Variants in IL34 observed in about 807,000 individuals in gnomAD.
The protein encoded by IL34 is interleukin 34, also known as interleukin-34.
In IL34, 17 loss-of-function variants were observed where a neutral mutation model predicts 25.3. The ratio of observed to expected loss-of-function variants is 0.67; its 90% CI spans 0.46 to 1.01. IL34 has a LOEUF of 1.01. Ranked by LOEUF, IL34 falls within the 50% of genes least tolerant of loss-of-function variation. IL34 has a pLI of 0.00. For missense variants in IL34, 368 were observed against 312.9 expected (o/e 1.18, Z -1.33); for synonymous variants, 174 against 140.9 (o/e 1.23, Z -1.66).
At position 70,640,469 on chromosome 16, in the gene IL34, C is replaced by A. The variant is rs77534164; in HGVS notation, c.-400-6079C>A. On this transcript the variant is annotated intron_variant, in intron 1 of 6. Transcript: ENST00000429149. ...TGAAACCCTGTCTCTACTAAAAATA[C>A]AAAAGTTAGCCGGGTGTGGTGGTGC... 5.3e-5 allele frequency among the ~76,000 whole-genome samples: 8 copies of A among 151,604 alleles called. No individual in the cohort carries two copies. The East Asian group carries it at 1.2e-3, about 22-fold the overall frequency.
At chr16:70,595,312 C>G (rs1329422706) in intron 1 of IL34, among the ~76,000 whole-genome samples, 1 of 150,728 alleles carries the variant, frequency 6.6e-6, no homozygotes, top group Non-Finnish European at 1.5e-5. Context: ...TCTCCTTCTT[C>G]TTTCTCCTCT....
chr16:70,652,389 T>G (rs924921665), intron 1 of IL34, among the ~76,000 whole-genome samples: 1 of 152,002 alleles, frequency 6.6e-6, no homozygotes, highest in Admixed American at 6.6e-5. Context: ...ACCCAGGAGT[T>G]TGAGATTGCA....
intron 1 of IL34, among the ~76,000 whole-genome samples, chr16:70,632,285 G>C (rs934365368): frequency 1.3e-5 from 2 of 152,170 alleles, no homozygotes; most frequent in African/African-American, 4.8e-5. Context: ...GGCCATTTCT[G>C]ACCTTCGCTG....
chr16:70,583,188 C>G (rs1409960368), intron 1 of IL34, among the ~76,000 whole-genome samples: 3 of 152,160 alleles, frequency 2.0e-5, no homozygotes, highest in Non-Finnish European at 1.5e-5. Flanking sequence ...TTTCAGCTCA[C>G]TGCAAACTCT....
At position 70,651,977 on chromosome 16, in the gene IL34, T is replaced by A. The variant is rs574079826; in HGVS notation, c.29-2561T>A. Among the ~76,000 whole-genome samples the A allele has an allele frequency of 6.0e-3, 907 of 150,770 alleles. 3 individuals are homozygous for A. Among genetic ancestry groups the A allele is most frequent in the Middle Eastern group, 0.01 (3 of 288 alleles). On this transcript the variant is annotated intron_variant, in intron 1 of 5. Coordinates refer to ENST00000288098, the MANE Select transcript of IL34 (RefSeq NM_001393494.1). ...CGTCTGTACTAAAAATACAAAAAAA[T>A]TTAGCTGGATGTGGTGGCGCACACC...
rs371072536 is a variant in IL34 at position 70,609,032 on chromosome 16, TTC to T, written c.-401+28985_-401+28986del. ...TTAAATACATGAGAGGAAAGCATAA[TTC>T]TTTTATTTTTTATTTTTATTTATTT... is the stretch of plus-strand genomic sequence containing the variant. On this transcript the variant is annotated intron_variant, in intron 1 of 6. Transcript: ENST00000429149. 2.5e-4 allele frequency among the ~76,000 whole-genome samples: 38 copies of T among 152,284 alleles called. No individual in the cohort carries two copies. In the South Asian group the frequency reaches 7.9e-3, roughly 32 times the overall value.
intron 1 of IL34, among the ~76,000 whole-genome samples, chr16:70,639,833 C>G (rs1055091361): frequency 6.6e-6 from 1 of 152,020 alleles, no homozygotes; most frequent in South Asian, 2.1e-4. Flanking sequence ...TGGTGCATGC[C>G]TGTAGTCCGA....
chr16:70,599,515 C>T (rs896507943), intron 1 of IL34, among the ~76,000 whole-genome samples: 2 of 149,680 alleles, frequency 1.3e-5, no homozygotes, highest in African/African-American at 5.0e-5. Flanking sequence ...TGCCAACACG[C>T]CCAGTTAATT....
At chr16:70,628,573 G>T (rs60774382) in intron 1 of IL34, among the ~76,000 whole-genome samples, 2 of 150,488 alleles carry the variant, frequency 1.3e-5, no homozygotes, top group Admixed American at 1.3e-4. Context: ...TGCAATCTCC[G>T]GCTCGCGGGT....
chr16:70,638,865 T>C (rs918819969), intron 1 of IL34, among the ~76,000 whole-genome samples: 2 of 152,166 alleles, frequency 1.3e-5, no homozygotes, highest in African/African-American at 4.8e-5. Context: ...TACAGGTGTG[T>C]GCCACCGCAC....
chr16:70,644,709 A>T (rs1202904206), upstream of IL34, among the ~76,000 whole-genome samples: 1 of 36,756 alleles, frequency 2.7e-5, no homozygotes, highest in South Asian at 9.5e-4. Context: ...GAGGAGGAGG[A>T]GGGGGAGGAG....
chr16:70,599,343 CTCTT>C (rs1451807064), intron 1 of IL34, among the ~76,000 whole-genome samples: 11 of 58,962 alleles, frequency 1.9e-4, no homozygotes, highest in East Asian at 5.3e-4. Flanking sequence ...CTTTCTTTCT[CTCTT>C]TCTTTCTCTC....
At chr16:70,648,711 C>T (rs529110249) in intron 1 of IL34, among the ~76,000 whole-genome samples, 195 of 152,028 alleles carry the variant, frequency 1.3e-3, no homozygotes, top group Non-Finnish European at 2.1e-3. Flanking sequence ...GGGGCTGGTG[C>T]CCAGGGGCTG....
chr16:70,623,063 G>A (rs1597753826), intron 1 of IL34, among the ~76,000 whole-genome samples: 1 of 152,050 alleles, frequency 6.6e-6, no homozygotes, highest in Non-Finnish European at 1.5e-5. Flanking sequence ...GCAGCAGGGG[G>A]AGCACCTGTG....
chr16:70,586,712 G>A (rs2050699082), intron 1 of IL34, among the ~76,000 whole-genome samples: 2 of 152,198 alleles, frequency 1.3e-5, no homozygotes, highest in South Asian at 4.1e-4. Context: ...CTCCAGCCTG[G>A]CATTGCACAT....
chr16:70,593,619 T>G (rs1208969117), intron 1 of IL34, among the ~76,000 whole-genome samples: 1 of 152,062 alleles, frequency 6.6e-6, no homozygotes, highest in African/African-American at 2.4e-5. Flanking sequence ...TGGGCTCAAG[T>G]GATCCTCCCA....
intron 1 of IL34, among the ~76,000 whole-genome samples, chr16:70,583,172 TC>T (rs1436735451): frequency 6.6e-6 from 1 of 151,942 alleles, no homozygotes; most frequent in East Asian, 1.9e-4. Context: ...AAGTGCAGTG[TC>T]CCGATTTCAG....
At chr16:70,633,333 A>G (rs1166612221) in intron 1 of IL34, among the ~76,000 whole-genome samples, 1 of 151,522 alleles carries the variant, frequency 6.6e-6, no homozygotes, top group Non-Finnish European at 1.5e-5. Flanking sequence ...GGCTCACTGC[A>G]GCTTTGACCT....
chr16:70,642,885 G>C (rs1409449382), upstream of IL34, among the ~76,000 whole-genome samples: 1 of 98,308 alleles, frequency 1.0e-5, no homozygotes, highest in Admixed American at 8.7e-5. Flanking sequence ...CATAGAGACA[G>C]AAAGAATATT....
Sources: allele counts gnomAD v4.1 joint callset (sites outside exome capture counted in the v4.1 genomes callset), GRCh38; gene constraint gnomAD v4.1.1; transcripts MANE v1.5; gene names NCBI Gene and HGNC (gene_info 2026-07-23, HGNC 2026-07-21).